Variants in SH3GL2 observed in about 807,000 individuals in gnomAD.
SH3GL2 encodes the protein endophilin-A1.
Under a neutral mutation model 46.0 loss-of-function variants are expected in SH3GL2, and 24 were observed. The observed-to-expected ratio is 0.52, with a 90% CI of 0.38 to 0.73. The LOEUF is 0.73. SH3GL2 is among the 30% of genes least tolerant of loss of function. SH3GL2 has a pLI of 0.00. For synonymous variants in SH3GL2, 196 were observed against 147.1 expected (o/e 1.33, Z -2.40); for missense variants, 413 against 424.2 (o/e 0.97, Z 0.23).
At chr9:17,713,552 C>G (rs1237416196) in intron 1 of SH3GL2, among the ~76,000 whole-genome samples, 1 of 151,438 alleles carries the variant, frequency 6.6e-6, no homozygotes, top group Non-Finnish European at 1.5e-5. Context: ...TTCTTGAGTA[C>G]TGTGGTAGTG....
At chr9:17,686,985 A>G (rs1820930705) in intron 1 of SH3GL2, among the ~76,000 whole-genome samples, 2 of 152,062 alleles carry the variant, frequency 1.3e-5, no homozygotes, top group Admixed American at 1.3e-4. Context: ...GAATCTTTGC[A>G]AAACAATGGA....
At chr9:17,748,053 A>G (rs975326554) in intron 2 of SH3GL2, among the ~76,000 whole-genome samples, 1 of 152,166 alleles carries the variant, frequency 6.6e-6, no homozygotes, top group African/African-American at 2.4e-5. Context: ...AAAATAATGT[A>G]GATTATTTAG....
chr9:17,754,663 A>G (rs1453379808), intron 2 of SH3GL2, among the ~76,000 whole-genome samples: 1 of 151,968 alleles, frequency 6.6e-6, no homozygotes, highest in Non-Finnish European at 1.5e-5. Flanking sequence ...GCAGAGTGAG[A>G]CTCTGTCTCA....
At chr9:17,775,127 C>A (rs569578171) in intron 3 of SH3GL2, among the ~76,000 whole-genome samples, 3 of 151,586 alleles carry the variant, frequency 2.0e-5, no homozygotes, top group Non-Finnish European at 4.4e-5. Context: ...GAATGAATAT[C>A]CCCACTTTTT....
At chr9:17,743,234 G>C (rs762210740) in intron 1 of SH3GL2, among the ~76,000 whole-genome samples, 6 of 152,140 alleles carry the variant, frequency 3.9e-5, no homozygotes, top group Non-Finnish European at 8.8e-5. Flanking sequence ...TACATAGTCT[G>C]CTGTTAAATT....
chr9:17,679,679 G>A (rs577803105), intron 1 of SH3GL2, among the ~76,000 whole-genome samples: 1 of 152,314 alleles, frequency 6.6e-6, no homozygotes, highest in East Asian at 1.9e-4. Context: ...AATAGGAGTG[G>A]TGAGAGAGGG....
At chr9:17,728,067 T>A (rs1337481687) in intron 1 of SH3GL2, among the ~76,000 whole-genome samples, 1 of 152,176 alleles carries the variant, frequency 6.6e-6, no homozygotes, top group African/African-American at 2.4e-5. Context: ...TTTGAAAATA[T>A]CTGCAATAAA....
At chr9:17,674,512 C>T (rs907475062) in intron 1 of SH3GL2, among the ~76,000 whole-genome samples, 1 of 152,212 alleles carries the variant, frequency 6.6e-6, no homozygotes, top group East Asian at 1.9e-4. Context: ...ACAATCTGCC[C>T]ACCTTGGCCT....
At chr9:17,723,043 A>G (rs1431531582) in intron 1 of SH3GL2, among the ~76,000 whole-genome samples, 1 of 152,046 alleles carries the variant, frequency 6.6e-6, no homozygotes, top group Non-Finnish European at 1.5e-5. Flanking sequence ...TTTAAAACAC[A>G]CTCACAGTTT....
intron 1 of SH3GL2, among the ~76,000 whole-genome samples, chr9:17,674,688 C>T (rs1304997039): frequency 1.3e-5 from 2 of 152,026 alleles, no homozygotes; most frequent in African/African-American, 4.8e-5. Flanking sequence ...TTCATCTGGT[C>T]GCCCAGCTGA....
rs200824412 is a variant in SH3GL2, at chr9:17,793,471, C to A, written c.833C>A (p.Ser278Tyr). 2.5e-6 allele frequency: 4 copies of A among 1,613,106 alleles called. No individual in the cohort carries two copies. The Admixed American group carries it at 5.0e-5, about 20-fold the overall frequency. Residue 278 changes from serine (S) to tyrosine (Y), a missense_variant, in exon 8 of 9, where the codon TCC (serine) becomes TAC (tyrosine). Transcript: ENST00000380607. ...AGTACTCAGCCCAATGGGGGTCTCT[C>A]CCACACAGGCACTCCCAAACCTTCA... ...GDSTQPNGGLSHTGTPKPSGV... is the reference protein window; with the variant it reads ...GDSTQPNGGLYHTGTPKPSGV...
intron 3 of SH3GL2, among the ~76,000 whole-genome samples, chr9:17,784,946 C>T (rs547245149): frequency 1.3e-5 from 2 of 152,302 alleles, no homozygotes; most frequent in South Asian, 4.1e-4. Context: ...CTCCTGGCCT[C>T]AAATGATCCT....
intron 1 of SH3GL2, among the ~76,000 whole-genome samples, chr9:17,708,644 C>T (rs1054620349): frequency 4.6e-5 from 7 of 151,798 alleles, no homozygotes; most frequent in African/African-American, 1.7e-4. Flanking sequence ...AAGTAAAGAC[C>T]ACTTCATTTA....
intron 1 of SH3GL2, among the ~76,000 whole-genome samples, chr9:17,605,073 A>G (rs936603443): frequency 7.9e-5 from 12 of 151,516 alleles, no homozygotes; most frequent in African/African-American, 1.9e-4. Flanking sequence ...CCTGGGCTCA[A>G]GTGATCCTCT....
At chr9:17,605,803 C>T (rs1361787325) in intron 1 of SH3GL2, among the ~76,000 whole-genome samples, 1 of 152,138 alleles carries the variant, frequency 6.6e-6, no homozygotes, top group Admixed American at 6.5e-5. Flanking sequence ...ATATTGTGGA[C>T]ATTCAAACTA....
chr9:17,644,491 G>A lies in SH3GL2; in HGVS notation c.45+65204G>A, dbSNP rs139925649. ...GTGCTATAAATTTACCTGTAAACAC[G>A]CTTTGGCTGTGTCCCAGAGATTCTG... On this transcript the variant is annotated intron_variant, in intron 1 of 8. Transcript: ENST00000380607. Among the ~76,000 whole-genome samples, 179 of 152,120 alleles carry A rather than the reference G, an allele frequency of 1.2e-3. 1 individual carries two copies. In the Middle Eastern group the frequency reaches 0.017, roughly 15 times the overall value.
Position 17,689,076 on chromosome 9 carries a change from T to C in SH3GL2, c.46-57990T>C, listed in dbSNP as rs80222168. 2.7e-3 allele frequency among the ~76,000 whole-genome samples: 404 copies of C among 152,182 alleles called. 2 individuals are homozygous for C. Among genetic ancestry groups the C allele is most frequent in the African/African-American group, 7.7e-3 (318 of 41,538 alleles). On this transcript the variant is annotated intron_variant, in intron 1 of 8. Transcript: ENST00000380607. The stretch of plus-strand genomic sequence containing the variant: ...CGTCATCAACAGTGATAAATCATGT[T>C]GATAGTGTGTTCCCTTAATATGATG...
At chr9:17,781,446 A>C (rs1452094839) in intron 3 of SH3GL2, among the ~76,000 whole-genome samples, 1 of 149,302 alleles carries the variant, frequency 6.7e-6, no homozygotes, top group African/African-American at 2.5e-5. Flanking sequence ...GTTCACTCTG[A>C]TGGTAGTTTC....
intron 1 of SH3GL2, among the ~76,000 whole-genome samples, chr9:17,624,654 T>TGTGTCCATGTGGCATGTTCCC (rs1819238836): frequency 6.6e-6 from 1 of 152,244 alleles, no homozygotes; most frequent in African/African-American, 2.4e-5. Flanking sequence ...AGATGGCTCC[T>TGTGTCCATGTGGCATGTTCCC]GTGTCCATGT....
Sources: allele counts gnomAD v4.1 joint callset (sites outside exome capture counted in the v4.1 genomes callset), GRCh38; gene constraint gnomAD v4.1.1; transcripts MANE v1.5; gene names NCBI Gene and HGNC (gene_info 2026-07-23, HGNC 2026-07-21).